Variants in GRID2 observed in about 807,000 individuals in gnomAD.
GRID2 encodes glutamate receptor ionotropic, delta-2.
Under a neutral mutation model 114.8 loss-of-function variants are expected in GRID2, and 33 were observed. That is an observed-to-expected ratio of 0.29 (90% CI 0.22 to 0.38). The LOEUF is 0.38. GRID2 is among the 10% of genes least tolerant of loss of function. GRID2 has a pLI of 1.00. For synonymous variants in GRID2, 505 were observed against 449.9 expected (o/e 1.12, Z -1.55); for missense variants, 1,184 against 1,257.7 (o/e 0.94, Z 0.89).
At chr4:93,538,844 A>G (rs1448265280) in intron 13 of GRID2, among the ~76,000 whole-genome samples, 1 of 151,706 alleles carries the variant, frequency 6.6e-6, no homozygotes, top group Non-Finnish European at 1.5e-5. Flanking sequence ...TAACAACTAA[A>G]TGTAATGTTT....
chr4:92,819,996 G>T, intron 2 of GRID2, among the ~76,000 whole-genome samples: 1 of 152,152 alleles, frequency 6.6e-6, no homozygotes, highest in South Asian at 2.1e-4. Context: ...TACCAATTGC[G>T]TAGTACCATT....
intron 1 of GRID2, among the ~76,000 whole-genome samples, chr4:92,467,768 TCAATG>T (rs1721829103): frequency 1.3e-5 from 2 of 151,968 alleles, no homozygotes; most frequent in Non-Finnish European, 2.9e-5. Flanking sequence ...AATGCAGTGA[TCAATG>T]AAAGAATCCA....
At chr4:92,666,164 T>G (rs187270220) in intron 2 of GRID2, among the ~76,000 whole-genome samples, 43 of 151,758 alleles carry the variant, frequency 2.8e-4, no homozygotes, top group African/African-American at 8.7e-4. Context: ...ATGCACTGAT[T>G]CTTTTTCTGC....
At chr4:93,351,196 C>A (rs1251738889) in intron 8 of GRID2, among the ~76,000 whole-genome samples, 1 of 152,070 alleles carries the variant, frequency 6.6e-6, no homozygotes, top group African/African-American at 2.4e-5. Context: ...TTTTAAAACA[C>A]AGGTCATGCA....
intron 14 of GRID2, among the ~76,000 whole-genome samples, chr4:93,633,860 A>G (rs774916212): frequency 3.3e-5 from 5 of 152,134 alleles, no homozygotes; most frequent in Non-Finnish European, 7.4e-5. Context: ...CCCAATTGGA[A>G]TGGGGTGCTT....
intron 2 of GRID2, among the ~76,000 whole-genome samples, chr4:92,685,321 A>G (rs1291960084): frequency 2.6e-5 from 4 of 152,048 alleles, no homozygotes; most frequent in Non-Finnish European, 4.4e-5. Flanking sequence ...TCCCGTGCCC[A>G]GGTAAGGGAG....
chr4:93,190,310 A>C lies in GRID2; in HGVS notation c.736-17094A>C, dbSNP rs1263425805. 2.6e-5 allele frequency among the ~76,000 whole-genome samples: 4 copies of C among 152,160 alleles called. No homozygotes were observed. In the South Asian group the frequency reaches 8.3e-4, roughly 31 times the overall value. On this transcript the variant is annotated intron_variant, in intron 4 of 15. Transcript: ENST00000282020. ...ATTAAACTACATCTCAAAAGCCACT[A>C]TTGATTTCTATAAATTGACATAGCC...
At chr4:92,817,032 A>G (rs6857301) in intron 2 of GRID2, among the ~76,000 whole-genome samples, 47,192 of 151,596 alleles carry the variant, frequency 0.31, 7,843 homozygotes, top group Middle Eastern at 0.52. Flanking sequence ...TGGATGGTTA[A>G]AACCTTCAAT....
intron 4 of GRID2, among the ~76,000 whole-genome samples, chr4:93,141,869 TG>T (rs1735798502): frequency 6.6e-6 from 1 of 152,232 alleles, no homozygotes; most frequent in African/African-American, 2.4e-5. Flanking sequence ...CTGGTGATCT[TG>T]TTTGACTTTC....
At chr4:92,310,310 T>G (rs1725630618) in intron 1 of GRID2, among the ~76,000 whole-genome samples, 2 of 152,058 alleles carry the variant, frequency 1.3e-5, no homozygotes, top group Non-Finnish European at 2.9e-5. Flanking sequence ...ACTTTTAATC[T>G]GATAATTTAG....
At chr4:93,718,253 G>A (rs1729075964) in intron 14 of GRID2, among the ~76,000 whole-genome samples, 1 of 152,004 alleles carries the variant, frequency 6.6e-6, no homozygotes, top group Admixed American at 6.6e-5. Context: ...ATAAAGATTT[G>A]GATACAAAAA....
chr4:92,839,545 T>G (rs1308491975), intron 2 of GRID2, among the ~76,000 whole-genome samples: 1 of 151,710 alleles, frequency 6.6e-6, no homozygotes, highest in East Asian at 1.9e-4. Context: ...TAAAGAAAAG[T>G]TTTTAAAATT....
chr4:93,124,117 GAAAA>G (rs67692016), intron 4 of GRID2, among the ~76,000 whole-genome samples: 1 of 143,778 alleles, frequency 7.0e-6, no homozygotes, highest in South Asian at 2.2e-4. Context: ...AAAAAAAAAA[GAAAA>G]AAAAAAAAGA....
At chr4:92,406,359 A>T (rs1052787255) in intron 1 of GRID2, among the ~76,000 whole-genome samples, 3 of 152,182 alleles carry the variant, frequency 2.0e-5, no homozygotes, top group Non-Finnish European at 4.4e-5. Context: ...AGTCAAAGTT[A>T]AAAAAGTTAC....
chr4:93,524,396 G>C (rs1284106826), intron 13 of GRID2, among the ~76,000 whole-genome samples: 1 of 152,110 alleles, frequency 6.6e-6, no homozygotes, highest in Non-Finnish European at 1.5e-5. Context: ...TTTTAGGTCT[G>C]TGTCAGTCAT....
At chr4:93,670,274 CAGTA>C (rs1481438786) in intron 14 of GRID2, among the ~76,000 whole-genome samples, 2 of 152,118 alleles carry the variant, frequency 1.3e-5, no homozygotes, top group African/African-American at 4.8e-5. Context: ...ACTCAAGGTG[CAGTA>C]AGCTAAACTT....
At chr4:92,445,637 C>T (rs1733418018) in intron 1 of GRID2, among the ~76,000 whole-genome samples, 2 of 152,078 alleles carry the variant, frequency 1.3e-5, no homozygotes, top group Admixed American at 1.3e-4. Flanking sequence ...ACAAGTAGAG[C>T]ATAGGAGAGA....
chr4:93,658,714 A>G (rs1723229339), intron 14 of GRID2, among the ~76,000 whole-genome samples: 1 of 152,160 alleles, frequency 6.6e-6, no homozygotes, highest in African/African-American at 2.4e-5. Context: ...CTAGAGAATG[A>G]ATGAGTCATA....
chr4:93,169,859 C>T (rs1264197156), intron 4 of GRID2, among the ~76,000 whole-genome samples: 1 of 152,124 alleles, frequency 6.6e-6, no homozygotes, highest in Non-Finnish European at 1.5e-5. Flanking sequence ...CAAACTTCTA[C>T]TGAGATATCT....
Sources: gnomAD v4.1 joint callset for allele counts (sites outside exome capture counted in the v4.1 genomes callset) on GRCh38, gnomAD v4.1.1 for gene constraint, MANE v1.5 for transcripts, NCBI Gene and HGNC (gene_info 2026-07-23, HGNC 2026-07-21) for gene names.